Variants in TRERF1 observed in about 807,000 individuals in gnomAD.
TRERF1 encodes transcriptional-regulating factor 1.
Under a neutral mutation model 122.9 loss-of-function variants are expected in TRERF1, and 27 were observed. The observed-to-expected ratio is 0.22, with a 90% CI of 0.16 to 0.30. TRERF1 has a LOEUF of 0.30. TRERF1 is among the 10% of genes least tolerant of loss of function. The probability of loss-of-function intolerance (pLI) is 1.00; values close to 1 mark genes in which losing one functional copy is unlikely to be tolerated. For synonymous variants in TRERF1, 636 were observed against 641.7 expected, an observed-to-expected ratio of 0.99 and a Z score of 0.13; for missense variants, 1,248 against 1,560.3, an observed-to-expected ratio of 0.80 and a Z score of 3.37.
At chr6:42,446,665 C>T (rs139470483) in intron 2 of TRERF1, among the ~76,000 whole-genome samples, 2 of 152,158 alleles carry the variant, frequency 1.3e-5, no homozygotes, top group African/African-American at 4.8e-5. Flanking sequence ...AAGAAGCTGC[C>T]GCATGTATGA....
At chr6:42,435,598 G>A (rs1785189678) in intron 2 of TRERF1, among the ~76,000 whole-genome samples, 1 of 152,016 alleles carries the variant, frequency 6.6e-6, no homozygotes, top group Non-Finnish European at 1.5e-5. Context: ...AAAGATTTAT[G>A]TACAAGGATA....
intron 3 of TRERF1, among the ~76,000 whole-genome samples, chr6:42,343,443 G>A (rs1233520240): frequency 2.0e-5 from 3 of 152,096 alleles, no homozygotes; most frequent in African/African-American, 4.8e-5. Context: ...GGTTTCCACG[G>A]TGACATGCAC....
At chr6:42,238,171 C>G (rs1772704082) in intron 15 of TRERF1, among the ~76,000 whole-genome samples, 1 of 152,144 alleles carries the variant, frequency 6.6e-6, no homozygotes, top group Non-Finnish European at 1.5e-5. Context: ...TTTGTGGTCT[C>G]AAACATTAAG....
intron 2 of TRERF1, among the ~76,000 whole-genome samples, chr6:42,423,421 A>T (rs1783097943): frequency 6.6e-6 from 1 of 152,148 alleles, no homozygotes; most frequent in African/African-American, 2.4e-5. Flanking sequence ...CTAACCCTGG[A>T]ACCAAACCGA....
At chr6:42,435,386 C>CA (rs1042146186) in intron 2 of TRERF1, among the ~76,000 whole-genome samples, 3 of 151,700 alleles carry the variant, frequency 2.0e-5, no homozygotes, top group Non-Finnish European at 4.4e-5. Context: ...TGCATCTACT[C>CA]AAAAAACACA....
intron 3 of TRERF1, among the ~76,000 whole-genome samples, chr6:42,324,341 T>C (rs1357967577): frequency 3.9e-5 from 6 of 152,190 alleles, no homozygotes; most frequent in African/African-American, 1.2e-4. Flanking sequence ...AAGCAATCTA[T>C]AGACTCAATG....
intron 3 of TRERF1, among the ~76,000 whole-genome samples, chr6:42,313,321 C>A (rs980016267): frequency 7.9e-5 from 12 of 152,074 alleles, no homozygotes; most frequent in African/African-American, 2.7e-4. Context: ...ATTCACGATA[C>A]AAAGAACAAA....
At chr6:42,246,578 C>T in intron 13 of TRERF1, 34 bp from the exon 14 acceptor site, 1 of 1,484,856 alleles carries the variant, frequency 6.7e-7, no homozygotes, top group Non-Finnish European at 9.2e-7. Context: ...AAGAACAGCT[C>T]ACAGTTCCCC....
intron 2 of TRERF1, among the ~76,000 whole-genome samples, chr6:42,392,709 C>T (rs1777947013): frequency 6.6e-6 from 1 of 152,074 alleles, no homozygotes; most frequent in Admixed American, 6.5e-5. Flanking sequence ...TCTCTGATAG[C>T]CATCATCCCA....
intron 3 of TRERF1, among the ~76,000 whole-genome samples, chr6:42,328,162 C>T (rs1263814647): frequency 1.3e-5 from 2 of 151,818 alleles, no homozygotes; most frequent in Admixed American, 1.3e-4. Context: ...TGCACGCTAC[C>T]ATGCCCAGCT....
intron 2 of TRERF1, among the ~76,000 whole-genome samples, chr6:42,367,828 C>T (rs1773035578): frequency 6.6e-6 from 1 of 152,020 alleles, no homozygotes. Flanking sequence ...GATCTTAGCA[C>T]AGAAAGGGGA....
intron 14 of TRERF1, among the ~76,000 whole-genome samples, chr6:42,245,052 C>T (rs1409245821): frequency 6.6e-6 from 1 of 152,240 alleles, no homozygotes; most frequent in Non-Finnish European, 1.5e-5. Context: ...CTGGAATTTC[C>T]ACACTAGAAT....
At chr6:42,282,171 A>G (rs1480783120) in intron 4 of TRERF1, among the ~76,000 whole-genome samples, 4 of 152,222 alleles carry the variant, frequency 2.6e-5, no homozygotes, top group Admixed American at 2.6e-4. Flanking sequence ...AAAGACTGAA[A>G]ACAACCCAAA....
intron 2 of TRERF1, among the ~76,000 whole-genome samples, chr6:42,402,982 CAAAG>C (rs1696722375): frequency 6.6e-6 from 1 of 152,080 alleles, no homozygotes; most frequent in South Asian, 2.1e-4. Flanking sequence ...AAGTTGCTGA[CAAAG>C]AGAGAGGAGC....
chr6:42,316,617 C>T (rs1458595589), intron 3 of TRERF1, among the ~76,000 whole-genome samples: 3 of 152,108 alleles, frequency 2.0e-5, no homozygotes, highest in East Asian at 3.9e-4. Context: ...TGGGTGTAGA[C>T]CAAGCTAACC....
rs1034048067 is a variant in TRERF1, at chr6:42,275,946, G to A, written c.-258-6098C>T. On this transcript the variant is annotated intron_variant, in intron 4 of 17. Transcript: ENST00000372922. This position sits in a 1 kb window ranked among gnomAD's most constrained non-coding sequence, Gnocchi z 4.1. ...GTGTTCCAATACAACTTTATTTATG[G>A]ACGCTGAAACTTGAATTTTACATAA... 2.0e-5 allele frequency among the ~76,000 whole-genome samples: 3 copies of A among 152,214 alleles called. No individual in the cohort carries two copies. The highest frequency in any genetic ancestry group is 4.8e-5 in the African/African-American group (2 of 41,444).
At chr6:42,405,805 A>AT (rs200835968) in intron 2 of TRERF1, among the ~76,000 whole-genome samples, 2,108 of 151,222 alleles carry the variant, frequency 0.014, 25 homozygotes, top group Non-Finnish European at 0.024. Context: ...AAAAAAAAAA[A>AT]AATTAAAAAA....
chr6:42,288,984 TGTG>T (rs1316279273), intron 4 of TRERF1, among the ~76,000 whole-genome samples: 1 of 151,162 alleles, frequency 6.6e-6, no homozygotes, highest in East Asian at 2.0e-4. Flanking sequence ...TGTGTGTGTG[TGTG>T]TGTGTGTCAA....
chr6:42,307,488 G>GGA (rs1787475203), intron 3 of TRERF1, among the ~76,000 whole-genome samples: 1 of 152,094 alleles, frequency 6.6e-6, no homozygotes, highest in Non-Finnish European at 1.5e-5. Flanking sequence ...TATTAAAACA[G>GGA]GAGAGTTCAA....
Sources: allele counts gnomAD v4.1 joint callset (sites outside exome capture counted in the v4.1 genomes callset), GRCh38; gene constraint gnomAD v4.1.1; non-coding constraint Gnocchi (gnomAD v3.1); transcripts MANE v1.5; gene names NCBI Gene and HGNC (gene_info 2026-07-23, HGNC 2026-07-21).